The following BRD4 variants were observed in gnomAD, a reference collection of about 807,000 sequenced individuals.
The protein encoded by BRD4 is bromodomain-containing protein 4.
In BRD4, 16 loss-of-function variants were observed where a neutral mutation model predicts 142.1. That is an observed-to-expected ratio of 0.11 (90% confidence interval 0.08 to 0.17). BRD4 has a LOEUF of 0.17. Ranked by LOEUF, BRD4 falls within the 10% of genes least tolerant of loss-of-function variation. BRD4 has a pLI of 1.00. For synonymous variants in BRD4, 833 were observed against 707.5 expected, an observed-to-expected ratio of 1.18 and a Z score of -2.82; for missense variants, 1,424 against 1,810.9, an observed-to-expected ratio of 0.79 and a Z score of 3.88.
chr19:15,295,064 G>T (rs1400751307), intron 1 of BRD4, among the ~76,000 whole-genome samples: 1 of 152,102 alleles, frequency 6.6e-6, no homozygotes, highest in Non-Finnish European at 1.5e-5. Flanking sequence ...CCATAAAAGG[G>T]GGCAACAGCC....
rs1214498806 is a variant in BRD4, at chr19:15,256,055, G to T, written c.1751+9C>A. 2.5e-6 allele frequency: 4 copies of T among 1,610,482 alleles called. No individual in the cohort carries two copies. The South Asian group carries it at 3.3e-5, about 13-fold the overall frequency. ...GTCCCCACCCAGGACAAATTCAGGG[G>T]ACACAGACCTCACATTGCTGTTGCT... On this transcript the variant is annotated intron_variant, in intron 9 of 19. Coordinates refer to ENST00000679869, the MANE Select transcript of BRD4 (RefSeq NM_001379291.1).
At chr19:15,254,054 C>A (rs539655056) in intron 11 of BRD4, 98 bp downstream of exon 11, 15 of 1,016,114 alleles carry the variant, frequency 1.5e-5, no homozygotes, top group Non-Finnish European at 2.1e-5. Flanking sequence ...TCTGGGAGTG[C>A]CGTCTCTGGG....
At chr19:15,277,021 AAGG>A (rs2047654494) in intron 1 of BRD4, among the ~76,000 whole-genome samples, 1 of 152,078 alleles carries the variant, frequency 6.6e-6, no homozygotes, top group East Asian at 1.9e-4. Flanking sequence ...GTGGCAAGAG[AAGG>A]CATGCCTGGC....
In BRD4 at chr19:15,329,460, G is replaced by A. The variant is rs1019317057; in HGVS notation, c.-35+2830C>T. On this transcript the variant is annotated intron_variant, in intron 1 of 19. Coordinates refer to ENST00000679869, the MANE Select transcript of BRD4 (RefSeq NM_001379291.1). Reference sequence around the variant, plus strand: ...GTTTTTTGCTTTAAAAACAAAACAGGCCGGGCGCAGTGGCTCATGCCTGTA... The same window carrying A: ...GTTTTTTGCTTTAAAAACAAAACAGACCGGGCGCAGTGGCTCATGCCTGTA... Among the ~76,000 whole-genome samples, 5 of 152,118 alleles carry A rather than the reference G, an allele frequency of 3.3e-5. No individual in the cohort carries two copies. The South Asian group carries it at 8.3e-4, about 25-fold the overall frequency.
At chr19:15,329,497 T>C (rs1416120154) in intron 1 of BRD4, among the ~76,000 whole-genome samples, 1 of 151,984 alleles carries the variant, frequency 6.6e-6, no homozygotes, top group Non-Finnish European at 1.5e-5. Flanking sequence ...ACCCAGTACT[T>C]TGGGAGGCCG....
chr19:15,306,414 G>T (rs554348360), intron 1 of BRD4, among the ~76,000 whole-genome samples: 7 of 152,104 alleles, frequency 4.6e-5, no homozygotes, highest in Non-Finnish European at 1.0e-4. Flanking sequence ...GACCACAGGC[G>T]TGTGCCACCA....
intron 1 of BRD4, among the ~76,000 whole-genome samples, chr19:15,307,717 T>C (rs2047926235): frequency 6.6e-6 from 1 of 152,234 alleles, no homozygotes; most frequent in Admixed American, 6.5e-5. Flanking sequence ...CCAGGAGTTC[T>C]GGGCTATATT....
At position 15,237,257 on chromosome 19, in the gene BRD4, G is replaced by C. The variant is rs1343431527; in HGVS notation, c.*1120C>G. The C allele has an allele frequency of 2.6e-5, 3 of 113,586 alleles. No homozygotes were observed. In the East Asian group the frequency reaches 5.4e-4, roughly 20 times the overall value. 7.0% of individuals were successfully genotyped at this position (113,586 alleles called of 1,614,324 possible). On this transcript the variant is annotated 3_prime_UTR_variant, in exon 20 of 20. Coordinates refer to ENST00000679869, the MANE Select transcript of BRD4 (RefSeq NM_001379291.1). ...GCCAACAAATGGGTGGGGGGGGGGG[G>C]GGTGGAGGGGAAAGAAAAGAAATTG...
Position 15,238,287 on chromosome 19 carries a change from G to A in BRD4, c.*90C>T. On this transcript the variant is annotated 3_prime_UTR_variant, in exon 20 of 20. Transcript: ENST00000679869. This position sits in a 1 kb window ranked among gnomAD's most constrained non-coding sequence, Gnocchi z 7.2. Reference sequence around the variant, plus strand: ...GGGCCAGGCCCTGAGGCATCCCCTGGCCGCTGATCCCACCTCCACCACCGC... The same window carrying A: ...GGGCCAGGCCCTGAGGCATCCCCTGACCGCTGATCCCACCTCCACCACCGC... 6.3e-7 allele frequency: 1 copy of A among 1,579,524 alleles called. No individual in the cohort carries two copies. Among genetic ancestry groups the A allele is most frequent in the South Asian group, 1.2e-5 (1 of 84,922 alleles).
chr19:15,262,627 G>C (rs902657461), intron 7 of BRD4, among the ~76,000 whole-genome samples: 7 of 151,966 alleles, frequency 4.6e-5, no homozygotes, highest in Non-Finnish European at 8.8e-5. Context: ...GGAGGCTGAG[G>C]TGGGAGGATC....
At position 15,238,946 on chromosome 19, in the gene BRD4, G is replaced by A. The variant is rs2047215777; in HGVS notation, c.3817C>T (p.Arg1273Trp). The A allele has an allele frequency of 1.9e-6, 3 of 1,597,018 alleles. No homozygotes were observed. The highest frequency in any genetic ancestry group is 2.6e-6 in the Non-Finnish European group (3 of 1,174,096). The change falls in exon 19 of 20, where the codon CGG (arginine) becomes TGG (tryptophan). Residue 1273 changes from arginine (R) to tryptophan (W), a missense_variant. Transcript: ENST00000679869. This position sits in a 1 kb window ranked among gnomAD's most constrained non-coding sequence, Gnocchi z 7.2. ...REDEDALEQARRAHEEARRRQ... is the reference protein window; with the variant it reads ...REDEDALEQAWRAHEEARRRQ... ...CGACGTGCCTCCTCATGGGCCCGCC[G>A]GGCCTGCTCCAGCGCATCCTCGTCC...
In BRD4 at chr19:15,304,394, CG is replaced by C. The variant is rs2047896293; in HGVS notation, c.-35+27895del. On this transcript the variant is annotated intron_variant, in intron 1 of 19. Coordinates refer to ENST00000679869, the MANE Select transcript of BRD4 (RefSeq NM_001379291.1). ...CCTGGAATCAGCCTTGTCACTGTGC[CG>C]GGGGAGTAGGAAACAGTTAAAACAC... Among the ~76,000 whole-genome samples the C allele has an allele frequency of 2.0e-5, 3 of 152,146 alleles. No individual in the cohort carries two copies. In the South Asian group the frequency reaches 6.2e-4, roughly 32 times the overall value.
At position 15,265,653 on chromosome 19, in the gene BRD4, A is replaced by AT; in HGVS notation, c.560-11dup. 6.2e-7 allele frequency: 1 copy of AT among 1,614,080 alleles called. No homozygotes were observed. The highest frequency in any genetic ancestry group is 1.3e-5 in the African/African-American group (1 of 75,020). ...CCAGGTTTTGCTGTCCCTACAAATC[A>AT]TAATAAGACGGCGAGTTAGAGACCA... On this transcript the variant is annotated splice_polypyrimidine_tract_variant and intron_variant, in intron 4 of 19. Transcript: ENST00000679869.
At chr19:15,323,542 A>T (rs1012945926) in intron 1 of BRD4, among the ~76,000 whole-genome samples, 1 of 152,172 alleles carries the variant, frequency 6.6e-6, no homozygotes, top group African/African-American at 2.4e-5. Context: ...TCTTTACACA[A>T]AACAAAACTT....
intron 1 of BRD4, among the ~76,000 whole-genome samples, chr19:15,303,196 C>T (rs1250115082): frequency 6.6e-6 from 1 of 152,008 alleles, no homozygotes; most frequent in Non-Finnish European, 1.5e-5. Flanking sequence ...GAAGCTATTT[C>T]CAGCTCAAAG....
At chr19:15,305,928 T>C (rs142164195) in intron 1 of BRD4, among the ~76,000 whole-genome samples, 1,547 of 152,388 alleles carry the variant, frequency 0.01, 24 homozygotes, top group African/African-American at 0.036. Flanking sequence ...TGCACTTTTA[T>C]GTTTTGGAGA....
chr19:15,249,126 TA>T, intron 11 of BRD4: 1 of 1,311,686 alleles, frequency 7.6e-7, no homozygotes, highest in Non-Finnish European at 1.1e-6. Flanking sequence ...TGGACATGAC[TA>T]ATCCACCCCG....
intron 1 of BRD4, among the ~76,000 whole-genome samples, chr19:15,288,435 G>C (rs867088422): frequency 6.6e-6 from 1 of 152,086 alleles, no homozygotes; most frequent in Admixed American, 6.6e-5. Context: ...AAGAAGAGGA[G>C]TGAAACACAG....
chr19:15,242,682 G>A (rs890783863), intron 14 of BRD4, among the ~76,000 whole-genome samples: 11 of 152,136 alleles, frequency 7.2e-5, no homozygotes, highest in South Asian at 2.1e-4. Flanking sequence ...GACCAGAGGG[G>A]CCTTATTCTG....
Sources: allele counts gnomAD v4.1 joint callset (sites outside exome capture counted in the v4.1 genomes callset), GRCh38; gene constraint gnomAD v4.1.1; non-coding constraint Gnocchi (gnomAD v3.1); transcripts MANE v1.5; gene names NCBI Gene and HGNC (gene_info 2026-07-23, HGNC 2026-07-21).